Variants in ATP8B4 observed in about 807,000 individuals in gnomAD.
The protein encoded by ATP8B4 is ATPase phospholipid transporting 8B4 (putative), also known as probable phospholipid-transporting ATPase IM.
In ATP8B4, 133 loss-of-function variants were observed where a neutral mutation model predicts 145.6. That is an observed-to-expected ratio of 0.91 (90% CI 0.79 to 1.05). The LOEUF (loss-of-function observed/expected upper bound fraction) is 1.05, where lower values mean the gene tolerates loss of function less well. Among genes scored for constraint, ATP8B4 ranks in the 50% least tolerant of loss-of-function variants. The pLI, the probability that ATP8B4 is intolerant of heterozygous loss-of-function variation, is 0.00. For synonymous variants in ATP8B4, 507 were observed against 492.9 expected (o/e 1.03, Z -0.38); for missense variants, 1,458 against 1,425.2 (o/e 1.02, Z -0.37).
intron 2 of ATP8B4, among the ~76,000 whole-genome samples, chr15:50,077,468 T>C (rs2054257284): frequency 6.6e-6 from 1 of 152,114 alleles, no homozygotes; most frequent in African/African-American, 2.4e-5. Flanking sequence ...AGAAAAAAGA[T>C]AGAAATAACT....
At chr15:49,980,487 T>G (rs1047594730) in intron 11 of ATP8B4, among the ~76,000 whole-genome samples, 4 of 152,118 alleles carry the variant, frequency 2.6e-5, no homozygotes, top group African/African-American at 9.7e-5. Flanking sequence ...TAGCACAGGA[T>G]TAACTGACAA....
At chr15:50,009,260 T>C (rs1027058139) in intron 7 of ATP8B4, 2 of 153,012 alleles carry the variant, frequency 1.3e-5, no homozygotes, top group East Asian at 3.8e-4. Flanking sequence ...TGTAAATTTA[T>C]ATCTACTTTT....
intron 2 of ATP8B4, among the ~76,000 whole-genome samples, chr15:50,079,448 A>G (rs1420465446): frequency 6.6e-6 from 1 of 152,202 alleles, no homozygotes; most frequent in Non-Finnish European, 1.5e-5. Flanking sequence ...CATTTATTTT[A>G]CAAAGTCTGT....
rs1481077325 is a variant in ATP8B4, at chr15:49,961,957, A to C, written c.1287+20T>G. ...TAATTTGAAATTAAAACTAAGAATA[A>C]AATTTTATCACTTCCACACCTGAGT... On this transcript the variant is annotated intron_variant, in intron 14 of 27. Coordinates refer to ENST00000284509, the MANE Select transcript of ATP8B4 (RefSeq NM_024837.4). 4 of 1,574,964 alleles carry C rather than the reference A, an allele frequency of 2.5e-6. No individual in the cohort carries two copies. Among genetic ancestry groups the C allele is most frequent in the Non-Finnish European group, 3.4e-6 (4 of 1,162,300 alleles).
intron 9 of ATP8B4, among the ~76,000 whole-genome samples, chr15:49,996,437 A>G (rs1277859832): frequency 6.6e-6 from 1 of 152,140 alleles, no homozygotes; most frequent in Non-Finnish European, 1.5e-5. Flanking sequence ...ATGGGATTGA[A>G]GTAAATGATA....
chr15:50,134,815 G>A (rs1416950372), intron 1 of ATP8B4, among the ~76,000 whole-genome samples: 1 of 152,194 alleles, frequency 6.6e-6, no homozygotes, highest in Non-Finnish European at 1.5e-5. Flanking sequence ...GGGGAATGTT[G>A]GTGGCATTGA....
chr15:49,860,255 A>G lies in ATP8B4; in HGVS notation c.3518T>C (p.Leu1173Ser), dbSNP rs1350502248. 8 of 1,614,038 alleles carry G rather than the reference A, an allele frequency of 5.0e-6. No homozygotes were observed. The highest frequency in any genetic ancestry group is 5.9e-6 in the Non-Finnish European group (7 of 1,180,008). ...HYNSTSWIEN[L>S]CKKTTDTVSS... ...CACGGTGTCTGTGGTTTTCTTACATAAATTTTCAATCCAGCTAGTGCTATT... is the reference window on the plus strand; with the variant it reads ...CACGGTGTCTGTGGTTTTCTTACATGAATTTTCAATCCAGCTAGTGCTATT... Residue 1173 changes from leucine (L) to serine (S), a missense_variant, in exon 28 of 28, where the codon TTA (leucine) becomes TCA (serine). Physicochemically the swap from Leu to Ser is moderately radical, Grantham distance 145. Transcript: ENST00000284509.
intron 14 of ATP8B4, among the ~76,000 whole-genome samples, chr15:49,961,535 T>A (rs965737895): frequency 1.3e-5 from 2 of 152,212 alleles, no homozygotes; most frequent in African/African-American, 4.8e-5. Flanking sequence ...TTGAAAATCC[T>A]AAATGTCCAT....
intron 1 of ATP8B4, among the ~76,000 whole-genome samples, chr15:50,127,569 T>C (rs974381075): frequency 6.6e-6 from 1 of 152,122 alleles, no homozygotes; most frequent in African/African-American, 2.4e-5. Flanking sequence ...AAGAATTGAG[T>C]CATGGAGGCC....
intron 25 of ATP8B4, among the ~76,000 whole-genome samples, chr15:49,873,914 T>G (rs1212623880): frequency 6.6e-6 from 1 of 152,200 alleles, no homozygotes; most frequent in East Asian, 1.9e-4. Context: ...GTTGGAAACT[T>G]TGGGCACATT....
rs2037981986 is a variant in ATP8B4, at chr15:49,901,145, C to T, written c.2236G>A (p.Val746Ile). The change falls in exon 21 of 28, where the codon GTA (valine) becomes ATA (isoleucine). Residue 746 changes from valine to isoleucine, a missense_variant. Coordinates refer to ENST00000284509, the MANE Select transcript of ATP8B4 (RefSeq NM_024837.4). ...KKQQLELDSI[V>I]EETITGDYAL... ...TAATCTCCTGTTATGGTTTCTTCTA[C>T]AATAGAATCCAACTCCAGCTGCTGC... 5.6e-6 allele frequency: 9 copies of T among 1,613,426 alleles called. No homozygotes were observed. The highest frequency in any genetic ancestry group is 1.3e-5 in the African/African-American group (1 of 74,876).
chr15:49,950,403 C>T (rs967554070), intron 14 of ATP8B4, among the ~76,000 whole-genome samples: 7 of 151,900 alleles, frequency 4.6e-5, no homozygotes, highest in Non-Finnish European at 8.8e-5. Context: ...TGTATGCATC[C>T]AGGAATTTAT....
chr15:49,921,468 C>G (rs1267470058), intron 17 of ATP8B4, among the ~76,000 whole-genome samples: 1 of 152,150 alleles, frequency 6.6e-6, no homozygotes, highest in African/African-American at 2.4e-5. Flanking sequence ...AAGTGTCTCA[C>G]ACAGCCATAG....
chr15:50,102,623 A>T (rs1249548695), intron 2 of ATP8B4, among the ~76,000 whole-genome samples: 1 of 152,124 alleles, frequency 6.6e-6, no homozygotes, highest in East Asian at 1.9e-4. Context: ...ACAACAAAAA[A>T]GTCCAGGATC....
intron 1 of ATP8B4, among the ~76,000 whole-genome samples, chr15:50,164,519 C>T (rs2044567120): frequency 1.3e-5 from 2 of 152,174 alleles, no homozygotes; most frequent in Middle Eastern, 3.2e-3. Context: ...TCTTTACTCT[C>T]CCCTCTTCTC....
intron 3 of ATP8B4, among the ~76,000 whole-genome samples, chr15:50,070,361 G>C (rs896069780): frequency 1.3e-5 from 2 of 151,886 alleles, no homozygotes; most frequent in Admixed American, 6.6e-5. Flanking sequence ...GCTCTACTTA[G>C]ACTAGCTCAT....
rs2041222497 is a variant in ATP8B4 at position 49,931,189 on chromosome 15, T to C, written c.1572A>G (p.Gly524=). 6.2e-7 allele frequency: 1 copy of C among 1,612,666 alleles called. No homozygotes were observed. The highest frequency in any genetic ancestry group is 1.7e-5 in the Admixed American group (1 of 59,858). Residue 524 remains glycine (G), a synonymous_variant, in exon 16 of 28, where the codon GGA becomes GGG. Coordinates refer to ENST00000284509, the MANE Select transcript of ATP8B4 (RefSeq NM_024837.4). ...TPETITIEEL[G]TLVTYQLLAF... Reference sequence around the variant, plus strand: ...CAAGTAATTGATAAGTAACTAGTGTTCCCAATTCTTCTATTGTTATGGTCT... The same window carrying C: ...CAAGTAATTGATAAGTAACTAGTGTCCCCAATTCTTCTATTGTTATGGTCT...
At chr15:50,080,176 A>G (rs557404388) in intron 2 of ATP8B4, among the ~76,000 whole-genome samples, 1 of 152,330 alleles carries the variant, frequency 6.6e-6, no homozygotes, top group South Asian at 2.1e-4. Flanking sequence ...AAAATCCAAT[A>G]TAATTTGATG....
intron 2 of ATP8B4, among the ~76,000 whole-genome samples, chr15:50,101,505 T>C (rs920707729): frequency 3.3e-5 from 5 of 152,224 alleles, no homozygotes; most frequent in Non-Finnish European, 7.4e-5. Context: ...AGGGAAATTA[T>C]ATAATGATAA....
Sources: gnomAD v4.1 joint callset for allele counts (sites outside exome capture counted in the v4.1 genomes callset) on GRCh38, gnomAD v4.1.1 for gene constraint, MANE v1.5 for transcripts, NCBI Gene and HGNC (gene_info 2026-07-23, HGNC 2026-07-21) for gene names.